ASB3: variants seen among roughly 807,000 people sequenced by gnomAD.
The protein encoded by ASB3 is ankyrin repeat and SOCS box containing 3, also known as ankyrin repeat and SOCS box protein 3.
In ASB3, 41 loss-of-function variants were observed where a neutral mutation model predicts 54.5. That is an observed-to-expected ratio of 0.75 (90% CI 0.59 to 0.98). ASB3 has a LOEUF of 0.98. ASB3 is among the 50% of genes least tolerant of loss of function. The probability of loss-of-function intolerance (pLI) is 0.00; values close to 1 mark genes in which losing one functional copy is unlikely to be tolerated. For synonymous variants in ASB3, 266 were observed against 221.2 expected, an observed-to-expected ratio of 1.20 and a Z score of -1.80; for missense variants, 733 against 620.0, an observed-to-expected ratio of 1.18 and a Z score of -1.94.
At chr2:53,715,238 C>A (rs746084843) in intron 6 of ASB3, among the ~76,000 whole-genome samples, 1 of 152,036 alleles carries the variant, frequency 6.6e-6, no homozygotes, top group African/African-American at 2.4e-5. Flanking sequence ...GTAAACTTAC[C>A]TCTAGCAGTC....
At chr2:53,708,051 G>C (rs1375875111) in intron 7 of ASB3, among the ~76,000 whole-genome samples, 2 of 152,090 alleles carry the variant, frequency 1.3e-5, no homozygotes, top group East Asian at 3.8e-4. Context: ...CTACTGATGT[G>C]GTTTGGATCT....
At chr2:53,774,434 T>G in intron 1 of ASB3, 1 of 1,610,834 alleles carries the variant, frequency 6.2e-7, no homozygotes, top group Non-Finnish European at 8.5e-7. Flanking sequence ...ATTAGGAACC[T>G]TGTGCCAGAA....
intron 3 of ASB3, among the ~76,000 whole-genome samples, chr2:53,742,083 T>C (rs887173423): frequency 1.1e-4 from 16 of 152,112 alleles, no homozygotes; most frequent in Admixed American, 3.9e-4. Flanking sequence ...TCTGGACCAG[T>C]TGAAATCCGA....
chr2:53,745,467 G>T (rs1572955584), intron 3 of ASB3, among the ~76,000 whole-genome samples: 1 of 152,144 alleles, frequency 6.6e-6, no homozygotes, highest in East Asian at 1.9e-4. Context: ...TTATTAAAAT[G>T]TTGGTGAGCT....
chr2:53,704,713 A>C (rs942266756), intron 7 of ASB3, among the ~76,000 whole-genome samples: 1 of 152,224 alleles, frequency 6.6e-6, no homozygotes, highest in African/African-American at 2.4e-5. Flanking sequence ...ATAAGCAACC[A>C]GCCAGACATT....
At chr2:53,686,823 G>A (rs1178005274) in intron 9 of ASB3, among the ~76,000 whole-genome samples, 1 of 152,230 alleles carries the variant, frequency 6.6e-6, no homozygotes, top group Non-Finnish European at 1.5e-5. Context: ...GGAGAATCAA[G>A]CGATTCTCCT....
At chr2:53,764,472 T>A (rs1160190456) in intron 2 of ASB3, among the ~76,000 whole-genome samples, 5 of 152,236 alleles carry the variant, frequency 3.3e-5, no homozygotes, top group African/African-American at 1.2e-4. Context: ...TAACACCATT[T>A]TTATAAATAT....
At chr2:53,781,205 C>T (rs1054503008) in intron 1 of ASB3, among the ~76,000 whole-genome samples, 1 of 151,798 alleles carries the variant, frequency 6.6e-6, no homozygotes, top group African/African-American at 2.4e-5. Context: ...CCCAGGAGTT[C>T]AAGACCAGCC....
chr2:53,736,041 T>C (rs1671610842), intron 3 of ASB3, among the ~76,000 whole-genome samples: 1 of 150,902 alleles, frequency 6.6e-6, no homozygotes. Flanking sequence ...AAACTGATCT[T>C]GGAATAGAAA....
chr2:53,676,942 T>A (rs1668112921), intron 9 of ASB3, among the ~76,000 whole-genome samples: 1 of 152,036 alleles, frequency 6.6e-6, no homozygotes, highest in Non-Finnish European at 1.5e-5. Flanking sequence ...TTAATTTTTG[T>A]ATTTTTGGTA....
rs188293141 is a variant in ASB3 at position 53,696,136 on chromosome 2, T to C, written c.1239-2122A>G. The stretch of plus-strand genomic sequence containing the variant: ...AACAAAAATTTGACCATGTTAAGCA[T>C]TTTCATTGCTAAAGTTAAATTTTCC... On this transcript the variant is annotated intron_variant, in intron 8 of 9. Coordinates refer to ENST00000263634, the MANE Select transcript of ASB3 (RefSeq NM_016115.5). 9.7e-3 allele frequency among the ~76,000 whole-genome samples: 1,475 copies of C among 152,194 alleles called. 26 individuals are homozygous for C. The highest frequency in any genetic ancestry group is 0.032 in the African/African-American group (1,330 of 41,462).
At chr2:53,673,659 G>A (rs1243875221) in intron 9 of ASB3, among the ~76,000 whole-genome samples, 1 of 152,134 alleles carries the variant, frequency 6.6e-6, no homozygotes, top group Non-Finnish European at 1.5e-5. Context: ...AGATCTCAAT[G>A]ATTTGACTCC....
At chr2:53,749,321 T>C (rs1319720928) in intron 3 of ASB3, among the ~76,000 whole-genome samples, 2 of 152,062 alleles carry the variant, frequency 1.3e-5, no homozygotes, top group Non-Finnish European at 2.9e-5. Context: ...ATAGCAAATG[T>C]TGGCAAGGAT....
chr2:53,690,806 A>G (rs1463663629), intron 9 of ASB3, among the ~76,000 whole-genome samples: 2 of 152,146 alleles, frequency 1.3e-5, no homozygotes, highest in Non-Finnish European at 1.5e-5. Flanking sequence ...TTCAAAACAA[A>G]GCAGGGAAAC....
At chr2:53,761,675 A>G (rs1673155680) in intron 2 of ASB3, among the ~76,000 whole-genome samples, 1 of 152,218 alleles carries the variant, frequency 6.6e-6, no homozygotes, top group Non-Finnish European at 1.5e-5. Flanking sequence ...CATCTTACAG[A>G]GAGCATATGA....
intron 1 of ASB3, among the ~76,000 whole-genome samples, chr2:53,769,538 G>A (rs1378046026): frequency 1.3e-5 from 2 of 152,204 alleles, no homozygotes; most frequent in African/African-American, 2.4e-5. Context: ...ACAACAGTCC[G>A]TGATTCTTTA....
At chr2:53,727,304 T>C (rs1324739464) in intron 5 of ASB3, among the ~76,000 whole-genome samples, 2 of 152,140 alleles carry the variant, frequency 1.3e-5, no homozygotes, top group African/African-American at 4.8e-5. Flanking sequence ...ACTTAAGTGT[T>C]TGAAGGTTTC....
intron 7 of ASB3, 24 bp downstream of exon 7, chr2:53,714,360 T>A: frequency 6.2e-7 from 1 of 1,606,910 alleles, no homozygotes; most frequent in Non-Finnish European, 8.5e-7. Context: ...GAATAAAAAA[T>A]AAAAACATAG....
At chr2:53,696,631 T>C (rs964441857) in intron 8 of ASB3, among the ~76,000 whole-genome samples, 3 of 152,086 alleles carry the variant, frequency 2.0e-5, no homozygotes, top group Non-Finnish European at 4.4e-5. Flanking sequence ...ATTACTAAAA[T>C]TGAGTAATAG....
Sources: gnomAD v4.1 joint callset for allele counts (sites outside exome capture counted in the v4.1 genomes callset) on GRCh38, gnomAD v4.1.1 for gene constraint, MANE v1.5 for transcripts, NCBI Gene and HGNC (gene_info 2026-07-23, HGNC 2026-07-21) for gene names.